CNGA1: variants seen among roughly 807,000 people sequenced by gnomAD.
CNGA1 encodes the protein cyclic nucleotide gated channel subunit alpha 1.
A neutral mutation model predicts 69.7 loss-of-function variants in CNGA1; 53 were observed. That is an observed-to-expected ratio of 0.76 (90% CI 0.61 to 0.96). The LOEUF (loss-of-function observed/expected upper bound fraction) is 0.96. Ranked by LOEUF, CNGA1 falls within the 40% of genes least tolerant of loss-of-function variation. The pLI is 0.00. For missense variants in CNGA1, 739 were observed against 811.2 expected (o/e 0.91, Z 1.08); for synonymous variants, 249 against 283.5 (o/e 0.88, Z 1.22).
At position 47,939,518 on chromosome 4, in the gene CNGA1, A is replaced by G. The variant is rs1165405239; in HGVS notation, c.652+1245T>C. Among the ~76,000 whole-genome samples the G allele has an allele frequency of 5.3e-5, 8 of 152,206 alleles. No homozygotes were observed. In the East Asian group the frequency reaches 1.3e-3, roughly 26 times the overall value. On this transcript the variant is annotated intron_variant, in intron 10 of 10. Transcript: ENST00000514170. ...GTGCTAGCAAATTACTAGACCCACA[A>G]GGGAGCTGTGGGAACTCCAATTTAT...
chr4:47,998,214 G>C (rs1225522961), intron 2 of CNGA1, among the ~76,000 whole-genome samples: 1 of 152,176 alleles, frequency 6.6e-6, no homozygotes, highest in Non-Finnish European at 1.5e-5. Context: ...TATGACCTTG[G>C]AGATTGAAGT....
In CNGA1 at chr4:47,954,244, C is replaced by T. The variant is rs377321102; in HGVS notation, c.-14-1541G>A. Among the ~76,000 whole-genome samples, 102 of 152,276 alleles carry T rather than the reference C, an allele frequency of 6.7e-4. No individual in the cohort carries two copies. The South Asian group carries it at 6.9e-3, about 10-fold the overall frequency. On this transcript the variant is annotated intron_variant, in intron 3 of 10. Transcript: ENST00000514170. Reference sequence around the variant, plus strand: ...TCCACCTTCCCGGAATTCCAGCTCCCCATCCCGCTGAAAGTCACCTCCACT... The same window carrying T: ...TCCACCTTCCCGGAATTCCAGCTCCTCATCCCGCTGAAAGTCACCTCCACT...
chr4:47,965,846 T>C (rs1437809972), intron 3 of CNGA1, among the ~76,000 whole-genome samples: 1 of 152,244 alleles, frequency 6.6e-6, no homozygotes, highest in African/African-American at 2.4e-5. Context: ...ATTTTAATAG[T>C]AATTGCTTAT....
chr4:47,941,262 A>T (rs1050966680), intron 9 of CNGA1, among the ~76,000 whole-genome samples: 1 of 152,256 alleles, frequency 6.6e-6, no homozygotes, highest in Non-Finnish European at 1.5e-5. Flanking sequence ...CACTATATGC[A>T]TTATATACAA....
rs1739794475 is a variant in CNGA1 at position 47,952,343 on chromosome 4, G to A, written c.107+240C>T. Among the ~76,000 whole-genome samples, 3 of 151,526 alleles carry A rather than the reference G, an allele frequency of 2.0e-5. No individual in the cohort carries two copies. In the South Asian group the frequency reaches 6.3e-4, roughly 32 times the overall value. On this transcript the variant is annotated intron_variant, in intron 4 of 10. Transcript: ENST00000514170. ...AGATTGTGCCACTGCGTTCCAGCCT[G>A]TGCAACAGAGTGAGACTCCATCTCA...
rs139368992 is a variant in CNGA1, at chr4:47,941,547, G to A, written c.545+494C>T. ...TAGGTCAAAGAAAATAGTTTCTCCC[G>A]ATGTTCTAATTAAGTTATTATACAA... is the stretch of plus-strand genomic sequence containing the variant. On this transcript the variant is annotated intron_variant, in intron 9 of 10. Coordinates refer to ENST00000514170, the MANE Select transcript of CNGA1 (RefSeq NM_001379270.1). Among the ~76,000 whole-genome samples the A allele has an allele frequency of 2.7e-3, 404 of 152,110 alleles. 2 individuals are homozygous for A. Among genetic ancestry groups the A allele is most frequent in the African/African-American group, 9.0e-3 (372 of 41,484 alleles).
intron 2 of CNGA1, among the ~76,000 whole-genome samples, chr4:47,994,748 T>C (rs1742410647): frequency 6.6e-6 from 1 of 152,184 alleles, no homozygotes; most frequent in Admixed American, 6.6e-5. Flanking sequence ...TTTTGTTTTT[T>C]AAATTGTATT....
chr4:47,951,548 G>T, intron 4 of CNGA1, 79 bp from the exon 5 acceptor site: 2 of 894,646 alleles, frequency 2.2e-6, no homozygotes, highest in South Asian at 1.3e-5. Flanking sequence ...TCACTAGGGG[G>T]ACAATTGCCT....
intron 3 of CNGA1, among the ~76,000 whole-genome samples, chr4:47,958,109 T>C (rs1740202634): frequency 6.6e-6 from 1 of 152,042 alleles, no homozygotes; most frequent in African/African-American, 2.4e-5. Context: ...TTAGCCAGGA[T>C]GGTCTTGATC....
chr4:47,951,690 C>T (rs73147933), intron 4 of CNGA1, among the ~76,000 whole-genome samples: 1,951 of 152,182 alleles, frequency 0.013, 34 homozygotes, highest in African/African-American at 0.044. Flanking sequence ...AACTAAGAAA[C>T]TAGTTTCTAG....
At chr4:48,015,241 C>G (rs879884840) in intron 1 of CNGA1, among the ~76,000 whole-genome samples, 1 of 152,136 alleles carries the variant, frequency 6.6e-6, no homozygotes, top group Non-Finnish European at 1.5e-5. Context: ...AGTTTTAAGG[C>G]TTGTTATGGA....
At chr4:47,946,736 G>A (rs1739418576) in intron 6 of CNGA1, among the ~76,000 whole-genome samples, 1 of 152,126 alleles carries the variant, frequency 6.6e-6, no homozygotes, top group Non-Finnish European at 1.5e-5. Flanking sequence ...AAATAAGTAA[G>A]CTGCCCAGGC....
chr4:48,004,324 G>A (rs1017084022), intron 2 of CNGA1, among the ~76,000 whole-genome samples: 1 of 152,018 alleles, frequency 6.6e-6, no homozygotes, highest in African/African-American at 2.4e-5. Context: ...GCCACTACCG[G>A]TCTCCGCGTC....
At chr4:48,016,153 C>T (rs321630) in intron 1 of CNGA1, among the ~76,000 whole-genome samples, 52,062 of 152,026 alleles carry the variant, frequency 0.34, 9,216 homozygotes, top group South Asian at 0.48. Flanking sequence ...ATTTCAAATA[C>T]CCCTATGACC....
chr4:47,975,791 A>G (rs1426017039), intron 3 of CNGA1, among the ~76,000 whole-genome samples: 2 of 152,166 alleles, frequency 1.3e-5, no homozygotes, highest in Non-Finnish European at 2.9e-5. Context: ...CTTTAAAACC[A>G]ATATGCTATA....
At chr4:47,965,881 TG>T (rs1267671587) in intron 3 of CNGA1, among the ~76,000 whole-genome samples, 1 of 152,010 alleles carries the variant, frequency 6.6e-6, no homozygotes, top group Non-Finnish European at 1.5e-5. Context: ...TTTCAACTCT[TG>T]AGGTATCATA....
chr4:48,015,070 C>T (rs1334092718), intron 1 of CNGA1, among the ~76,000 whole-genome samples: 1 of 151,798 alleles, frequency 6.6e-6, no homozygotes, highest in South Asian at 2.1e-4. Context: ...CCCAGCTACT[C>T]GGGAGGCTGA....
chr4:47,990,797 G>A (rs1742229824), intron 2 of CNGA1, among the ~76,000 whole-genome samples: 1 of 152,114 alleles, frequency 6.6e-6, no homozygotes, highest in South Asian at 2.1e-4. Context: ...AAAATAGAAA[G>A]AACCTACGTT....
intron 2 of CNGA1, among the ~76,000 whole-genome samples, chr4:47,982,696 C>T (rs1440220): frequency 0.17 from 26,061 of 151,830 alleles, 2,397 homozygotes; most frequent in Middle Eastern, 0.24. Flanking sequence ...CTATCTAATG[C>T]GTTCTTTTTA....
Sources: gnomAD v4.1 joint callset for allele counts (sites outside exome capture counted in the v4.1 genomes callset) on GRCh38, gnomAD v4.1.1 for gene constraint, MANE v1.5 for transcripts, NCBI Gene and HGNC (gene_info 2026-07-23, HGNC 2026-07-21) for gene names.